The following ARID5B variants were observed in gnomAD, a reference collection of about 807,000 sequenced individuals.
The protein encoded by ARID5B is AT-rich interaction domain 5B, also known as AT-rich interactive domain-containing protein 5B.
In ARID5B, 13 loss-of-function variants were observed where a neutral mutation model predicts 97.2. The observed-to-expected ratio is 0.13, with a 90% CI of 0.09 to 0.21. The LOEUF is 0.21. Among genes scored for constraint, ARID5B ranks in the 10% least tolerant of loss-of-function variants. The probability of loss-of-function intolerance (pLI) is 1.00; values close to 1 mark genes in which losing one functional copy is unlikely to be tolerated. For synonymous variants in ARID5B, 556 were observed against 570.3 expected (o/e 0.97, Z 0.36); for missense variants, 1,210 against 1,465.3 (o/e 0.83, Z 2.84).
chr10:61,949,246 C>A (rs1838286315), intron 3 of ARID5B, among the ~76,000 whole-genome samples: 1 of 152,180 alleles, frequency 6.6e-6, no homozygotes, highest in Non-Finnish European at 1.5e-5. Context: ...ATAGTTTAAT[C>A]ATGTTGTTCT....
intron 3 of ARID5B, among the ~76,000 whole-genome samples, chr10:61,990,074 G>A (rs576704085): frequency 3.2e-4 from 48 of 152,196 alleles, no homozygotes; most frequent in Admixed American, 2.2e-3. Context: ...AAGTCTTCTC[G>A]TACCCTCAAA....
At chr10:62,067,665 G>A (rs1460395824) in intron 7 of ARID5B, among the ~76,000 whole-genome samples, 3 of 152,230 alleles carry the variant, frequency 2.0e-5, no homozygotes, top group Admixed American at 1.3e-4. Context: ...TGATGTGGAA[G>A]CTGCTTTATG....
rs375297012 is a variant in ARID5B at position 62,095,432 on chromosome 10, C to T, written c.*2402C>T. 4.3e-6 allele frequency: 1 copy of T among 233,306 alleles called. No individual in the cohort carries two copies. Among genetic ancestry groups the T allele is most frequent in the Non-Finnish European group, 8.5e-6 (1 of 117,966 alleles). 14.5% of individuals were successfully genotyped at this position (233,306 alleles called of 1,614,324 possible). ...GAGCTCACCTATTTGGAATATGGGG[C>T]ATTTGTTTTTTCCACTGCAATGATT... On this transcript the variant is annotated 3_prime_UTR_variant, in exon 10 of 10. Coordinates refer to ENST00000279873, the MANE Select transcript of ARID5B (RefSeq NM_032199.3).
chr10:62,032,043 G>A (rs1839503303), intron 4 of ARID5B, among the ~76,000 whole-genome samples: 1 of 152,148 alleles, frequency 6.6e-6, no homozygotes, highest in Non-Finnish European at 1.5e-5. Context: ...CAGTGAAAAT[G>A]TAGCCGGGCG....
chr10:61,911,085 T>C (rs1843796075), intron 2 of ARID5B, among the ~76,000 whole-genome samples: 2 of 152,200 alleles, frequency 1.3e-5, no homozygotes, highest in South Asian at 2.1e-4. Flanking sequence ...CACCCCATAG[T>C]TGAGTTCCAA....
At chr10:61,921,198 C>A (rs1001424182) in intron 2 of ARID5B, among the ~76,000 whole-genome samples, 1 of 151,992 alleles carries the variant, frequency 6.6e-6, no homozygotes, top group Admixed American at 6.6e-5. Context: ...AACAGATTAC[C>A]CCAGATTTGG....
chr10:61,993,525 C>G (rs1838955848), intron 3 of ARID5B, among the ~76,000 whole-genome samples: 1 of 151,394 alleles, frequency 6.6e-6, no homozygotes, highest in Non-Finnish European at 1.5e-5. Flanking sequence ...ATTATATTCT[C>G]TTTTTTTTTC....
chr10:61,975,853 G>T (rs1281466512), intron 3 of ARID5B, among the ~76,000 whole-genome samples: 4 of 152,098 alleles, frequency 2.6e-5, no homozygotes, highest in African/African-American at 9.7e-5. Flanking sequence ...ATTAATAATA[G>T]AATTCTAGTT....
chr10:62,006,810 T>G (rs1222427703), intron 4 of ARID5B, among the ~76,000 whole-genome samples: 1 of 152,216 alleles, frequency 6.6e-6, no homozygotes, highest in Non-Finnish European at 1.5e-5. Flanking sequence ...TTCGAGGATT[T>G]CTTTTCTGTT....
intron 3 of ARID5B, among the ~76,000 whole-genome samples, chr10:61,979,678 G>A (rs185254033): frequency 6.6e-6 from 1 of 152,152 alleles, no homozygotes; most frequent in African/African-American, 2.4e-5. Flanking sequence ...ATCCAGGTCT[G>A]GCACAAACAG....
chr10:61,961,734 A>ATTTC lies in ARID5B; in HGVS notation c.502+21346_502+21349dup, dbSNP rs200342266. On this transcript the variant is annotated intron_variant, in intron 3 of 9. Transcript: ENST00000279873. ...GACCTCAGTGTCTCAATTCTGGGCA[A>ATTTC]TTTCTTTCTTTCTTTCTTTCTTTTT... Among the ~76,000 whole-genome samples the ATTTC allele has an allele frequency of 1.6e-3, 240 of 151,728 alleles. 5 individuals are homozygous for ATTTC. The East Asian group carries it at 0.037, about 23-fold the overall frequency.
chr10:62,067,329 C>T (rs1276958243), intron 7 of ARID5B, among the ~76,000 whole-genome samples: 1 of 152,162 alleles, frequency 6.6e-6, no homozygotes, highest in African/African-American at 2.4e-5. Context: ...GTGATCCGCC[C>T]GCCTCGGCCT....
At chr10:62,074,292 T>C (rs1274392372) in intron 8 of ARID5B, among the ~76,000 whole-genome samples, 1 of 152,250 alleles carries the variant, frequency 6.6e-6, no homozygotes, top group Non-Finnish European at 1.5e-5. Context: ...TTAGCAACTA[T>C]TCTTCATCTT....
intron 3 of ARID5B, among the ~76,000 whole-genome samples, chr10:61,994,845 T>C (rs1838975402): frequency 6.6e-6 from 1 of 152,260 alleles, no homozygotes; most frequent in East Asian, 1.9e-4. Context: ...GTATTAACTT[T>C]TAATAGGCAA....
chr10:62,058,661 C>T (rs1173117546), intron 6 of ARID5B, among the ~76,000 whole-genome samples: 1 of 152,176 alleles, frequency 6.6e-6, no homozygotes, highest in Non-Finnish European at 1.5e-5. Flanking sequence ...GTCTTCCTTC[C>T]CTTTTATCTG....
intron 2 of ARID5B, among the ~76,000 whole-genome samples, chr10:61,936,683 G>A (rs536643136): frequency 6.6e-6 from 1 of 152,236 alleles, no homozygotes; most frequent in East Asian, 1.9e-4. Context: ...ATCTCTGCAT[G>A]CCACGGTTTG....
intron 4 of ARID5B, among the ~76,000 whole-genome samples, chr10:62,014,408 A>G (rs1047409682): frequency 6.6e-6 from 1 of 152,206 alleles, no homozygotes; most frequent in African/African-American, 2.4e-5. Context: ...TGGTGCTGAC[A>G]GGAGGCAGCG....
In ARID5B at chr10:62,092,364, A is replaced by G. The variant is rs747604159; in HGVS notation, c.2901A>G (p.Lys967=). The G allele has an allele frequency of 1.9e-6, 3 of 1,614,214 alleles. No homozygotes were observed. The highest frequency in any genetic ancestry group is 1.7e-6 in the Non-Finnish European group (2 of 1,180,030). Residue 967 remains lysine (K), a synonymous_variant, in exon 10 of 10, where the codon AAA becomes AAG. Transcript: ENST00000279873. The part of the protein sequence containing the change: ...VSPMTMSGPK[K]YPESLSRSGK... ...CCATGACCATGTCAGGCCCTAAAAA[A>G]TACCCTGAATCGCTTTCAAGATCAG...
chr10:62,059,123 T>A, intron 6 of ARID5B, 120 bp from the exon 7 acceptor site: 1 of 734,054 alleles, frequency 1.4e-6, no homozygotes, highest in Non-Finnish European at 2.2e-6. Context: ...CTTAGCTCTC[T>A]GGGGTACTTT....
Sources: gnomAD v4.1 joint callset for allele counts (sites outside exome capture counted in the v4.1 genomes callset) on GRCh38, gnomAD v4.1.1 for gene constraint, MANE v1.5 for transcripts, NCBI Gene and HGNC (gene_info 2026-07-23, HGNC 2026-07-21) for gene names.